The following CFAP221 variants were observed in gnomAD, a reference collection of about 807,000 sequenced individuals.
The protein encoded by CFAP221 is cilia and flagella associated protein 221.
CFAP221 carries 97 observed loss-of-function variants against 113.1 expected under a neutral mutation model. The ratio of observed to expected loss-of-function variants is 0.86; its 90% CI spans 0.73 to 1.02. CFAP221 has a LOEUF of 1.02. CFAP221 is among the 50% of genes least tolerant of loss of function. CFAP221 has a pLI of 0.00. For synonymous variants in CFAP221, 331 were observed against 354.4 expected, an observed-to-expected ratio of 0.93 and a Z score of 0.74; for missense variants, 1,025 against 1,013.4, an observed-to-expected ratio of 1.01 and a Z score of -0.16.
At chr2:119,551,573 A>G (rs1680436650) in intron 3 of CFAP221, among the ~76,000 whole-genome samples, 2 of 152,186 alleles carry the variant, frequency 1.3e-5, no homozygotes, top group African/African-American at 4.8e-5. Flanking sequence ...CTGTAAATGT[A>G]AGAGTTTATT....
chr2:119,560,279 C>T (rs1365714707), intron 5 of CFAP221, among the ~76,000 whole-genome samples: 1 of 152,156 alleles, frequency 6.6e-6, no homozygotes, highest in Non-Finnish European at 1.5e-5. Flanking sequence ...GCAGGCTTCC[C>T]ACTGCCCTGT....
chr2:119,550,845 G>A (rs1573974537), intron 3 of CFAP221, among the ~76,000 whole-genome samples: 1 of 152,088 alleles, frequency 6.6e-6, no homozygotes, highest in Non-Finnish European at 1.5e-5. Flanking sequence ...AATCTAAGTT[G>A]AGAACATTTT....
intron 6 of CFAP221, among the ~76,000 whole-genome samples, chr2:119,569,763 A>G (rs1681913532): frequency 1.3e-5 from 2 of 152,164 alleles, no homozygotes. Context: ...TTCTCTCCTT[A>G]GCTGTGTCCA....
At chr2:119,547,124 T>C (rs1284537791) in intron 2 of CFAP221, among the ~76,000 whole-genome samples, 1 of 152,208 alleles carries the variant, frequency 6.6e-6, no homozygotes. Flanking sequence ...GACATAATAG[T>C]GTATTTGGAT....
intron 3 of CFAP221, 44 bp downstream of exon 3, chr2:119,549,229 G>T: frequency 1.5e-6 from 2 of 1,376,950 alleles, no homozygotes; most frequent in South Asian, 1.3e-5. Flanking sequence ...ATAATGAAGT[G>T]ACAAAAATGT....
At chr2:119,585,154 C>T (rs1246718682) in intron 6 of CFAP221, among the ~76,000 whole-genome samples, 1 of 152,108 alleles carries the variant, frequency 6.6e-6, no homozygotes, top group East Asian at 1.9e-4. Context: ...ATCTCAAAAA[C>T]ATAGTTTGAG....
At position 119,638,312 on chromosome 2, in the gene CFAP221, G is replaced by A. The variant is rs143608761; in HGVS notation, c.2028G>A (p.Thr676=). 6.2e-6 allele frequency: 10 copies of A among 1,613,952 alleles called. No individual in the cohort carries two copies. In the East Asian group the frequency reaches 8.9e-5, roughly 14 times the overall value. The change falls in exon 20 of 24, where the codon ACG becomes ACA. Residue 676 remains threonine, a synonymous_variant. Coordinates refer to ENST00000413369, the MANE Select transcript of CFAP221 (RefSeq NM_001271049.2). ...TGCATCCTCTGACCTATGCAGAAAC[G>A]TTGATAGATTACCATCTATGCTCTC... ...AVMHPLTYAE[T]LIDYHLCSHP...
intron 7 of CFAP221, among the ~76,000 whole-genome samples, chr2:119,597,949 G>A (rs1198863841): frequency 6.6e-6 from 1 of 152,178 alleles, no homozygotes; most frequent in Non-Finnish European, 1.5e-5. Context: ...TCCTTCTGTT[G>A]CTTAGGTGTG....
intron 3 of CFAP221, among the ~76,000 whole-genome samples, chr2:119,558,589 G>A (rs908160530): frequency 6.6e-6 from 1 of 152,108 alleles, no homozygotes; most frequent in African/African-American, 2.4e-5. Flanking sequence ...AGGCCAACGT[G>A]AGAAGACCCT....
intron 21 of CFAP221, among the ~76,000 whole-genome samples, chr2:119,642,031 G>C (rs933739553): frequency 3.9e-5 from 6 of 152,228 alleles, no homozygotes; most frequent in Non-Finnish European, 8.8e-5. Flanking sequence ...TCAACAAGCA[G>C]TGAGAATGCA....
At chr2:119,551,333 A>G (rs1453078416) in intron 3 of CFAP221, among the ~76,000 whole-genome samples, 7 of 152,220 alleles carry the variant, frequency 4.6e-5, no homozygotes, top group Admixed American at 4.6e-4. Context: ...AATTTAGGGT[A>G]TTAAAGAAAC....
chr2:119,605,640 G>T (rs1202269472), intron 11 of CFAP221, among the ~76,000 whole-genome samples: 1 of 152,194 alleles, frequency 6.6e-6, no homozygotes, highest in East Asian at 1.9e-4. Context: ...TGTGCCTTGG[G>T]CTGTGTGCCC....
chr2:119,605,814 T>C (rs1266657790), intron 11 of CFAP221, among the ~76,000 whole-genome samples: 1 of 152,178 alleles, frequency 6.6e-6, no homozygotes, highest in Non-Finnish European at 1.5e-5. Flanking sequence ...GTGTACAGAT[T>C]TAGCTGAAAA....
intron 6 of CFAP221, among the ~76,000 whole-genome samples, chr2:119,567,110 A>G (rs1220330237): frequency 6.6e-6 from 1 of 152,146 alleles, no homozygotes; most frequent in Non-Finnish European, 1.5e-5. Flanking sequence ...TGTTACAATC[A>G]ATGAACCTAC....
chr2:119,579,447 A>G (rs1376197341), intron 6 of CFAP221, among the ~76,000 whole-genome samples: 1 of 152,240 alleles, frequency 6.6e-6, no homozygotes, highest in African/African-American at 2.4e-5. Flanking sequence ...TAAACTTCAT[A>G]TTAGCCAAAA....
chr2:119,657,889 T>C (rs1688491187), downstream of CFAP221, among the ~76,000 whole-genome samples: 1 of 152,218 alleles, frequency 6.6e-6, no homozygotes, highest in African/African-American at 2.4e-5. Context: ...ATGTCCTTCT[T>C]GGTGCATCTT....
chr2:119,607,608 T>A (rs1159942363), intron 11 of CFAP221, among the ~76,000 whole-genome samples: 1 of 152,164 alleles, frequency 6.6e-6, no homozygotes, highest in Non-Finnish European at 1.5e-5. Flanking sequence ...CACTACCCAA[T>A]TCCAGAACAT....
chr2:119,628,294 G>GGGTGTGT (rs1553491014), intron 16 of CFAP221, among the ~76,000 whole-genome samples: 8 of 137,490 alleles, frequency 5.8e-5, no homozygotes, highest in East Asian at 4.4e-4. Flanking sequence ...CTCTCTGGGG[G>GGGTGTGT]GTGTGTGTGT....
intron 19 of CFAP221, among the ~76,000 whole-genome samples, chr2:119,635,078 A>G (rs1364343442): frequency 6.6e-6 from 1 of 152,242 alleles, no homozygotes; most frequent in Non-Finnish European, 1.5e-5. Flanking sequence ...TACTTCACCA[A>G]AGAAGATATA....
Sources: allele counts gnomAD v4.1 joint callset (sites outside exome capture counted in the v4.1 genomes callset), GRCh38; gene constraint gnomAD v4.1.1; transcripts MANE v1.5; gene names NCBI Gene and HGNC (gene_info 2026-07-23, HGNC 2026-07-21).